The following EYS variants were observed in gnomAD, a reference collection of about 807,000 sequenced individuals.
EYS encodes EGF-like photoreceptor maintenance factor, also known as protein eyes shut homolog.
In EYS, 250 loss-of-function variants were observed where a neutral mutation model predicts 282.1. The ratio of observed to expected loss-of-function variants is 0.89; its 90% CI spans 0.80 to 0.98. The LOEUF is 0.98. Ranked by LOEUF, EYS falls within the 50% of genes least tolerant of loss-of-function variation. The pLI, the probability that EYS is intolerant of heterozygous loss-of-function variation, is 0.00. For missense variants in EYS, 4,016 were observed against 3,709.0 expected (o/e 1.08, Z -2.15); for synonymous variants, 1,355 against 1,282.9 (o/e 1.06, Z -1.20).
chr6:64,967,655 G>C (rs776220607), intron 14 of EYS, among the ~76,000 whole-genome samples: 1 of 151,938 alleles, frequency 6.6e-6, no homozygotes, highest in Non-Finnish European at 1.5e-5. Context: ...ATTCCATTCA[G>C]TACACCATAT....
intron 22 of EYS, among the ~76,000 whole-genome samples, chr6:64,686,853 A>ACACACATATATACG (rs1279566533): frequency 5.1e-5 from 1 of 19,606 alleles, no homozygotes; most frequent in African/African-American, 1.8e-4. Flanking sequence ...ATATATATAT[A>ACACACATATATACG]TGTGTATATA....
intron 26 of EYS, among the ~76,000 whole-genome samples, chr6:64,470,597 T>TA (rs767127800): frequency 2.0e-5 from 3 of 151,990 alleles, no homozygotes; most frequent in African/African-American, 4.8e-5. Flanking sequence ...GCTAATGAGC[T>TA]AAAAAAATGC....
intron 22 of EYS, among the ~76,000 whole-genome samples, chr6:64,643,769 G>T (rs1333538108): frequency 2.0e-5 from 3 of 152,220 alleles, no homozygotes; most frequent in African/African-American, 4.8e-5. Context: ...CCTTGCACAA[G>T]CTCTTTCTTT....
chr6:64,942,880 T>C (rs1769142858), intron 15 of EYS, among the ~76,000 whole-genome samples: 1 of 145,606 alleles, frequency 6.9e-6, no homozygotes, highest in African/African-American at 2.6e-5. Context: ...CCTAATTCAC[T>C]CTATGAACCA....
chr6:65,542,509 GT>G (rs1269908429), intron 2 of EYS, among the ~76,000 whole-genome samples: 1 of 142,222 alleles, frequency 7.0e-6, no homozygotes, highest in Non-Finnish European at 1.5e-5. Flanking sequence ...GTGTGTGTGT[GT>G]TATGTTTGGA....
intron 19 of EYS, among the ~76,000 whole-genome samples, chr6:64,827,539 T>C (rs1215062785): frequency 6.6e-6 from 1 of 151,840 alleles, no homozygotes; most frequent in Admixed American, 6.6e-5. Context: ...TGATAACATT[T>C]TGAAAATGAC....
chr6:65,412,986 A>G (rs1767083810), intron 5 of EYS, among the ~76,000 whole-genome samples: 1 of 152,140 alleles, frequency 6.6e-6, no homozygotes, highest in Non-Finnish European at 1.5e-5. Context: ...TGCACATTTT[A>G]AGATGTGATT....
At chr6:64,016,837 T>C (rs1768917244) in intron 33 of EYS, among the ~76,000 whole-genome samples, 1 of 152,144 alleles carries the variant, frequency 6.6e-6, no homozygotes, top group African/African-American at 2.4e-5. Context: ...AGCTAATCTA[T>C]CTCTGATTAG....
At chr6:65,356,477 A>G (rs73744321) in intron 8 of EYS, among the ~76,000 whole-genome samples, 2,970 of 152,040 alleles carry the variant, frequency 0.02, 84 homozygotes, top group African/African-American at 0.066. Context: ...AAATAATATG[A>G]ATCCCTGCTC....
At chr6:63,745,788 TC>T (rs1455385665) in intron 41 of EYS, among the ~76,000 whole-genome samples, 2 of 152,176 alleles carry the variant, frequency 1.3e-5, no homozygotes, top group African/African-American at 4.8e-5. Context: ...GAAGCCCTAA[TC>T]CCCAGTGTGA....
intron 37 of EYS, among the ~76,000 whole-genome samples, chr6:63,804,093 T>C (rs1465840482): frequency 6.6e-6 from 1 of 152,206 alleles, no homozygotes; most frequent in African/African-American, 2.4e-5. Flanking sequence ...CTCGGCTCAC[T>C]GCAACCTCCG....
chr6:64,227,764 CAAT>C (rs1766293426), intron 31 of EYS, among the ~76,000 whole-genome samples: 1 of 151,986 alleles, frequency 6.6e-6, no homozygotes, highest in Non-Finnish European at 1.5e-5. Context: ...TGATTGTACT[CAAT>C]AAGGGATTCA....
chr6:65,308,099 A>G (rs1446930597), intron 11 of EYS, among the ~76,000 whole-genome samples: 7 of 79,224 alleles, frequency 8.8e-5, no homozygotes, highest in South Asian at 6.7e-4. Context: ...CAGCCTCCCT[A>G]GCAGTTGGGA....
At chr6:65,265,329 C>T (rs1464051626) in intron 12 of EYS, among the ~76,000 whole-genome samples, 2 of 151,726 alleles carry the variant, frequency 1.3e-5, no homozygotes, top group Non-Finnish European at 2.9e-5. Context: ...GTTCTTTTAC[C>T]TTATTTGGTC....
At chr6:64,378,586 G>A (rs943706139) in intron 29 of EYS, among the ~76,000 whole-genome samples, 3 of 152,042 alleles carry the variant, frequency 2.0e-5, no homozygotes, top group Admixed American at 2.0e-4. Context: ...TAATAGTAAA[G>A]GATAACAGTT....
intron 35 of EYS, among the ~76,000 whole-genome samples, chr6:63,929,250 A>G (rs1395688819): frequency 4.6e-5 from 7 of 152,212 alleles, no homozygotes; most frequent in Non-Finnish European, 8.8e-5. Context: ...GAAATCTAAC[A>G]AAAACCAAAT....
chr6:65,443,803 A>C (rs189285749), intron 5 of EYS, among the ~76,000 whole-genome samples: 64 of 151,974 alleles, frequency 4.2e-4, no homozygotes, highest in Admixed American at 2.9e-3. Context: ...CATTATGTAC[A>C]CATATATGTA....
chr6:64,013,133 T>A lies in EYS; in HGVS notation c.6726-13950A>T, dbSNP rs75414400. Among the ~76,000 whole-genome samples, 187 of 152,312 alleles carry A rather than the reference T, an allele frequency of 1.2e-3. 1 individual carries two copies. The highest frequency in any genetic ancestry group is 4.3e-3 in the African/African-American group (179 of 41,572). ...ATATTAAAAAAGGATCTGTGATGATTCCTGAGGACCACTGAAGCAGAAACT... is the reference window on the plus strand; with the variant it reads ...ATATTAAAAAAGGATCTGTGATGATACCTGAGGACCACTGAAGCAGAAACT... On this transcript the variant is annotated intron_variant, in intron 33 of 42. Coordinates refer to ENST00000503581, the MANE Select transcript of EYS (RefSeq NM_001142800.2).
chr6:63,961,990 CA>C, intron 35 of EYS, among the ~76,000 whole-genome samples: 1 of 152,016 alleles, frequency 6.6e-6, no homozygotes, highest in East Asian at 1.9e-4. Context: ...ACAAACCTGA[CA>C]AAAACAAGAA....
Sources: allele counts gnomAD v4.1 joint callset (sites outside exome capture counted in the v4.1 genomes callset), GRCh38; gene constraint gnomAD v4.1.1; transcripts MANE v1.5; gene names NCBI Gene and HGNC (gene_info 2026-07-23, HGNC 2026-07-21).